SPAG17: variants seen among roughly 807,000 people sequenced by gnomAD.
The protein encoded by SPAG17 is sperm associated antigen 17, also known as sperm-associated antigen 17.
In SPAG17, 169 loss-of-function variants were observed where a neutral mutation model predicts 273.6. The ratio of observed to expected loss-of-function variants is 0.62; its 90% CI spans 0.55 to 0.70. The LOEUF (loss-of-function observed/expected upper bound fraction) is 0.70. Among genes scored for constraint, SPAG17 ranks in the 30% least tolerant of loss-of-function variants. SPAG17 has a pLI of 0.00. For synonymous variants in SPAG17, 825 were observed against 873.2 expected (o/e 0.94, Z 0.97); for missense variants, 2,557 against 2,627.8 (o/e 0.97, Z 0.59).
intron 3 of SPAG17, among the ~76,000 whole-genome samples, chr1:118,123,706 C>A (rs565688904): frequency 6.6e-6 from 1 of 152,200 alleles, no homozygotes; most frequent in Non-Finnish European, 1.5e-5. Context: ...GGACCCCTTA[C>A]ATCTGTGCTG....
chr1:118,103,369 G>C (rs1474599274), intron 4 of SPAG17, among the ~76,000 whole-genome samples: 1 of 152,098 alleles, frequency 6.6e-6, no homozygotes, highest in African/African-American at 2.4e-5. Flanking sequence ...AAAATGTATG[G>C]GATGCTGGTA....
At chr1:118,045,291 G>C (rs1650222711) in intron 20 of SPAG17, among the ~76,000 whole-genome samples, 1 of 152,122 alleles carries the variant, frequency 6.6e-6, no homozygotes, top group African/African-American at 2.4e-5. Context: ...AGAAGTTTGG[G>C]ACTTTCAGCC....
chr1:118,102,995 A>C (rs1656170468), intron 4 of SPAG17, among the ~76,000 whole-genome samples: 2 of 152,210 alleles, frequency 1.3e-5, no homozygotes, highest in South Asian at 4.1e-4. Flanking sequence ...CCTCAGCAGA[A>C]GGGGACATCA....
chr1:118,123,345 G>C (rs1009771570), intron 3 of SPAG17, among the ~76,000 whole-genome samples: 1 of 152,288 alleles, frequency 6.6e-6, no homozygotes, highest in South Asian at 2.1e-4. Context: ...GAAAGGATAA[G>C]GGTAGCAGTG....
At chr1:118,171,117 G>C (rs1660397309) in intron 1 of SPAG17, among the ~76,000 whole-genome samples, 1 of 152,186 alleles carries the variant, frequency 6.6e-6, no homozygotes, top group South Asian at 2.1e-4. Context: ...GAATGACAAG[G>C]AGGAGGTAGA....
chr1:118,111,143 G>A (rs1962373), intron 4 of SPAG17, among the ~76,000 whole-genome samples: 40,197 of 152,072 alleles, frequency 0.26, 6,455 homozygotes, highest in East Asian at 0.41. Flanking sequence ...ATATTTTAAA[G>A]TACTACTGTA....
intron 19 of SPAG17, 28 bp downstream of exon 19, chr1:118,055,705 C>T (rs1651591107): frequency 1.3e-6 from 2 of 1,501,808 alleles, no homozygotes; most frequent in African/African-American, 2.8e-5. Context: ...GAATTTTATT[C>T]TACGTATAAG....
rs1187556364 is a variant in SPAG17 at position 117,970,120 on chromosome 1, C to T, written c.6327-4G>A. 2 of 1,610,022 alleles carry T rather than the reference C, an allele frequency of 1.2e-6. No homozygotes were observed. The highest frequency in any genetic ancestry group is 2.7e-5 in the African/African-American group (2 of 74,564). ...TGGGGGCTGCTTTACTTTAAACCTACAAGGCAGAAAGATAAAAATAAATTT... is the reference window on the plus strand; with the variant it reads ...TGGGGGCTGCTTTACTTTAAACCTATAAGGCAGAAAGATAAAAATAAATTT... On this transcript the variant is annotated splice_region_variant and splice_polypyrimidine_tract_variant and intron_variant, in intron 45 of 48. Transcript: ENST00000336338.
At chr1:118,173,987 A>C (rs1464348149) in intron 1 of SPAG17, among the ~76,000 whole-genome samples, 3 of 152,112 alleles carry the variant, frequency 2.0e-5, no homozygotes. Flanking sequence ...CCCACTAATT[A>C]GTGAAAAATC....
At chr1:118,012,868 G>A (rs1037550655) in intron 29 of SPAG17, among the ~76,000 whole-genome samples, 2 of 152,188 alleles carry the variant, frequency 1.3e-5, no homozygotes, top group African/African-American at 2.4e-5. Context: ...AGGGGACAGA[G>A]GCTGTAGCCT....
chr1:118,041,415 A>T (rs1468097511), intron 21 of SPAG17, among the ~76,000 whole-genome samples: 1 of 152,060 alleles, frequency 6.6e-6, no homozygotes, highest in Non-Finnish European at 1.5e-5. Flanking sequence ...ACAAAAGCAT[A>T]CAAGCCAGAA....
chr1:118,170,742 A>G (rs986740531), intron 1 of SPAG17, among the ~76,000 whole-genome samples: 7 of 152,160 alleles, frequency 4.6e-5, no homozygotes, highest in Non-Finnish European at 1.0e-4. Context: ...TTCAATATCA[A>G]TATCTGTCTT....
intron 47 of SPAG17, chr1:117,965,830 C>G (rs1281333936): frequency 6.6e-6 from 1 of 152,204 alleles, no homozygotes; most frequent in Non-Finnish European, 1.5e-5. Flanking sequence ...CATAACTTGA[C>G]TCCAACCTAC....
intron 1 of SPAG17, among the ~76,000 whole-genome samples, chr1:118,152,964 A>C (rs1659471290): frequency 6.6e-6 from 1 of 152,142 alleles, no homozygotes; most frequent in Non-Finnish European, 1.5e-5. Context: ...GTTCCTGATG[A>C]CTACACCTTC....
chr1:118,034,274 C>G (rs765559745), intron 24 of SPAG17, among the ~76,000 whole-genome samples: 1 of 152,142 alleles, frequency 6.6e-6, no homozygotes, highest in Non-Finnish European at 1.5e-5. Context: ...TGTGTTCAGT[C>G]TGTGATAGAG....
chr1:118,066,693 C>T (rs1653009731), intron 18 of SPAG17, 52 bp downstream of exon 18: 31 of 1,508,004 alleles, frequency 2.1e-5, no homozygotes, highest in Non-Finnish European at 2.7e-5. Context: ...AAGTAACTGG[C>T]AAGCTAACTA....
chr1:117,997,893 T>C (rs1292114505), intron 32 of SPAG17, among the ~76,000 whole-genome samples: 1 of 152,188 alleles, frequency 6.6e-6, no homozygotes, highest in Non-Finnish European at 1.5e-5. Context: ...GGGCTATAGA[T>C]AAACAAGTGG....
chr1:117,977,718 T>A (rs1344001129), intron 43 of SPAG17, among the ~76,000 whole-genome samples: 4 of 152,190 alleles, frequency 2.6e-5, no homozygotes, highest in Non-Finnish European at 5.9e-5. Context: ...TATCTGGGGG[T>A]GCAGTAGGTG....
At chr1:118,011,540 A>G (rs1659468434) in intron 30 of SPAG17, among the ~76,000 whole-genome samples, 1 of 152,130 alleles carries the variant, frequency 6.6e-6, no homozygotes, top group Non-Finnish European at 1.5e-5. Flanking sequence ...ATGGACCTAT[A>G]GAGGGGAACA....
Sources: gnomAD v4.1 joint callset for allele counts (sites outside exome capture counted in the v4.1 genomes callset) on GRCh38, gnomAD v4.1.1 for gene constraint, MANE v1.5 for transcripts, NCBI Gene and HGNC (gene_info 2026-07-23, HGNC 2026-07-21) for gene names.